GCLM: variants seen among roughly 807,000 people sequenced by gnomAD.
GCLM encodes glutamate--cysteine ligase regulatory subunit.
GCLM carries 15 observed loss-of-function variants against 36.0 expected under a neutral mutation model. That is an observed-to-expected ratio of 0.42 (90% confidence interval 0.28 to 0.64). The LOEUF is 0.64. Among genes scored for constraint, GCLM ranks in the 30% least tolerant of loss-of-function variants. The pLI is 0.25. For synonymous variants in GCLM, 129 were observed against 122.8 expected, an observed-to-expected ratio of 1.05 and a Z score of -0.34; for missense variants, 242 against 325.5, an observed-to-expected ratio of 0.74 and a Z score of 1.97.
chr1:93,904,287 T>G, intron 2 of GCLM: 4 of 472,074 alleles, frequency 8.5e-6, no homozygotes, highest in Non-Finnish European at 3.8e-6. Flanking sequence ...GAAACCATGG[T>G]GAGAATTAAG....
chr1:93,906,736 T>C (rs531026318), intron 1 of GCLM, among the ~76,000 whole-genome samples: 6 of 152,206 alleles, frequency 3.9e-5, no homozygotes, highest in Admixed American at 2.6e-4. Context: ...TTAATGTTTA[T>C]GTTTGTTCTC....
intron 3 of GCLM, among the ~76,000 whole-genome samples, chr1:93,899,629 A>C (rs1656871945): frequency 6.6e-6 from 1 of 152,172 alleles, no homozygotes; most frequent in Non-Finnish European, 1.5e-5. Context: ...GTTTTGTGTG[A>C]GTCTTATTAT....
intron 4 of GCLM, 95 bp from the exon 5 acceptor site, chr1:93,896,915 ATTC>A (rs1656755827): frequency 1.1e-5 from 8 of 706,836 alleles, no homozygotes; most frequent in Non-Finnish European, 2.0e-5. Context: ...TTCTGTCCAT[ATTC>A]TTCACTTGTT....
Position 93,887,363 on chromosome 1 carries a change from A to G in GCLM, c.*1627T>C, listed in dbSNP as rs760709346. The G allele has an allele frequency of 2.6e-5, 4 of 152,184 alleles. No homozygotes were observed. The highest frequency in any genetic ancestry group is 6.5e-5 in the Admixed American group (1 of 15,274). 9.4% of individuals were successfully genotyped at this position (152,184 alleles called of 1,614,324 possible). ...AAAATCCTACTTAGGAAAAGGGTCT[A>G]TAATATTTATTTTGAATATGGAACC... On this transcript the variant is annotated 3_prime_UTR_variant, in exon 7 of 7. Transcript: ENST00000370238.
In GCLM at chr1:93,901,665, A is replaced by G; in HGVS notation, c.197T>C (p.Phe66Ser). 1 of 1,455,290 alleles carries G rather than the reference A, an allele frequency of 6.9e-7. No homozygotes were observed. The highest frequency in any genetic ancestry group is 9.6e-7 in the Non-Finnish European group (1 of 1,043,568). The allele number at this position is 1,455,290 out of a possible 1,614,324, so 90.1% of individuals were successfully genotyped here. A position where few individuals can be genotyped will look rare whatever the true frequency, so the allele number is the denominator to read the frequency against. The change falls in exon 3 of 7, where the codon TTT becomes TCT. Residue 66 changes from phenylalanine to serine, a missense_variant. Transcript: ENST00000370238. ...TACAGTGCATTCCAAGACATCTGGAAACTCCTATAATAAACACAATATTTA... is the reference window on the plus strand; with the variant it reads ...TACAGTGCATTCCAAGACATCTGGAGACTCCTATAATAAACACAATATTTA... ...SQINPDLVRE[F>S]PDVLECTVSH...
intron 1 of GCLM, among the ~76,000 whole-genome samples, chr1:93,905,787 C>CA (rs1657128877): frequency 2.0e-5 from 3 of 152,288 alleles, no homozygotes; most frequent in Non-Finnish European, 4.4e-5. Flanking sequence ...ATGCTCACAA[C>CA]ATGCCAGGCA....
intron 3 of GCLM, among the ~76,000 whole-genome samples, 187 bp downstream of exon 3, chr1:93,901,398 A>ACT (rs1328193272): frequency 6.6e-6 from 1 of 152,050 alleles, no homozygotes; most frequent in Non-Finnish European, 1.5e-5. Context: ...TTCTATTCTG[A>ACT]CTCTTATATA....
At position 93,904,591 on chromosome 1, in the gene GCLM, G is replaced by A; in HGVS notation, c.127-3C>T. On this transcript the variant is annotated splice_region_variant and splice_polypyrimidine_tract_variant and intron_variant, in intron 1 of 6. Coordinates refer to ENST00000370238, the MANE Select transcript of GCLM (RefSeq NM_002061.4). ...GTTTTTTGGATACAATCATGAAGCTGCAAAAGGAATGCATTTTGAAACTGT... is the reference window on the plus strand; with the variant it reads ...GTTTTTTGGATACAATCATGAAGCTACAAAAGGAATGCATTTTGAAACTGT... 1 of 1,596,076 alleles carries A rather than the reference G, an allele frequency of 6.3e-7. No individual in the cohort carries two copies. The highest frequency in any genetic ancestry group is 2.2e-5 in the East Asian group (1 of 44,738).
chr1:93,899,406 T>C (rs1463920800), intron 3 of GCLM, among the ~76,000 whole-genome samples: 2 of 152,196 alleles, frequency 1.3e-5, no homozygotes, highest in Admixed American at 1.3e-4. Context: ...TGGTTGAATA[T>C]TATTTTGTAA....
intron 6 of GCLM, among the ~76,000 whole-genome samples, chr1:93,890,445 T>C (rs2100905414): frequency 6.6e-6 from 1 of 152,284 alleles, no homozygotes; most frequent in Non-Finnish European, 1.5e-5. Flanking sequence ...ACATAAATAA[T>C]GCCCATTTTA....
chr1:93,900,892 G>A (rs544031289), intron 3 of GCLM, among the ~76,000 whole-genome samples: 2 of 152,120 alleles, frequency 1.3e-5, no homozygotes, highest in Non-Finnish European at 2.9e-5. Context: ...CAAAGAAGCC[G>A]GAGAAACAGG....
intron 1 of GCLM, among the ~76,000 whole-genome samples, chr1:93,906,999 C>A (rs1178958202): frequency 6.6e-6 from 1 of 152,190 alleles, no homozygotes; most frequent in Non-Finnish European, 1.5e-5. Context: ...AAAATTAGAA[C>A]TAGAAGAGAC....
intron 5 of GCLM, among the ~76,000 whole-genome samples, chr1:93,895,476 TTTAATG>T (rs1261189035): frequency 1.3e-5 from 2 of 152,230 alleles, no homozygotes; most frequent in Non-Finnish European, 2.9e-5. Flanking sequence ...AGTAAATACC[TTTAATG>T]TTAAAGTATA....
At chr1:93,894,382 A>G (rs1275636564) in intron 6 of GCLM, among the ~76,000 whole-genome samples, 6 of 152,072 alleles carry the variant, frequency 3.9e-5, no homozygotes, top group Admixed American at 3.9e-4. Context: ...GTGAACCTCA[A>G]AAGACCAGAT....
chr1:93,898,329 AGG>A (rs1446805986), intron 3 of GCLM, among the ~76,000 whole-genome samples: 84 of 144,056 alleles, frequency 5.8e-4, no homozygotes, highest in African/African-American at 2.2e-3. Context: ...AAAAAAAAAA[AGG>A]CCACAATTCT....
chr1:93,906,055 T>C (rs1245246572), intron 1 of GCLM, among the ~76,000 whole-genome samples: 1 of 152,228 alleles, frequency 6.6e-6, no homozygotes, highest in African/African-American at 2.4e-5. Context: ...ATCTGAACTA[T>C]GACTGCTTAT....
Position 93,885,576 on chromosome 1 carries a change from A to G in GCLM, c.*3414T>C, listed in dbSNP as rs546343853. 3 of 152,334 alleles carry G rather than the reference A, an allele frequency of 2.0e-5. No individual in the cohort carries two copies. The highest frequency in any genetic ancestry group is 3.9e-4 in the East Asian group (2 of 5,192). 9.4% of individuals were successfully genotyped at this position (152,334 alleles called of 1,614,324 possible). ...ATTGCCAACTTTACATGAAAAAGGTATATGTTCTGGTATATTAGGAAGTTA... is the reference window on the plus strand; with the variant it reads ...ATTGCCAACTTTACATGAAAAAGGTGTATGTTCTGGTATATTAGGAAGTTA... On this transcript the variant is annotated 3_prime_UTR_variant, in exon 7 of 7. Transcript: ENST00000370238.
Position 93,909,271 on chromosome 1 carries a change from G to A in GCLM, c.-108C>T. 9.4e-7 allele frequency: 1 copy of A among 1,067,870 alleles called. No homozygotes were observed. The highest frequency in any genetic ancestry group is 1.1e-6 in the Non-Finnish European group (1 of 884,760). 66.1% of individuals were successfully genotyped at this position (1,067,870 alleles called of 1,614,324 possible). On this transcript the variant is annotated 5_prime_UTR_variant, in exon 1 of 7. Coordinates refer to ENST00000370238, the MANE Select transcript of GCLM (RefSeq NM_002061.4). ...CCGAGGCCCGAGAGAGACCCGAGAG[G>A]GAGCGCGAGGCTGCCGGCGCCGCGC...
At chr1:93,898,388 T>G (rs1656817696) in intron 3 of GCLM, among the ~76,000 whole-genome samples, 1 of 150,612 alleles carries the variant, frequency 6.6e-6, no homozygotes, top group Non-Finnish European at 1.5e-5. Flanking sequence ...ATCTTCCAGT[T>G]TTTGGTCATA....
Sources: gnomAD v4.1 joint callset for allele counts (sites outside exome capture counted in the v4.1 genomes callset) on GRCh38, gnomAD v4.1.1 for gene constraint, MANE v1.5 for transcripts, NCBI Gene and HGNC (gene_info 2026-07-23, HGNC 2026-07-21) for gene names.